Variants in ZNF365 observed in about 807,000 individuals in gnomAD.
The protein encoded by ZNF365 is zinc finger protein 365.
ZNF365 carries 22 observed loss-of-function variants against 35.0 expected under a neutral mutation model. That is an observed-to-expected ratio of 0.63 (90% confidence interval 0.45 to 0.90). The LOEUF (loss-of-function observed/expected upper bound fraction) is 0.90, where lower values mean the gene tolerates loss of function less well. ZNF365 is among the 40% of genes least tolerant of loss of function. The pLI, the probability that ZNF365 is intolerant of heterozygous loss-of-function variation, is 0.00. For synonymous variants in ZNF365, 188 were observed against 196.2 expected (o/e 0.96, Z 0.35); for missense variants, 448 against 500.3 (o/e 0.90, Z 1.00).
intron 3 of ZNF365, among the ~76,000 whole-genome samples, chr10:62,457,615 A>G (rs901000853): frequency 6.6e-6 from 1 of 152,208 alleles, no homozygotes; most frequent in Non-Finnish European, 1.5e-5. Flanking sequence ...TTATTTCTTG[A>G]GTCTTTGGTG....
intron 3 of ZNF365, among the ~76,000 whole-genome samples, chr10:62,415,691 T>C (rs1234121698): frequency 6.6e-6 from 1 of 152,176 alleles, no homozygotes; most frequent in African/African-American, 2.4e-5. Context: ...CCTCACATCT[T>C]CTGAAATTGG....
chr10:62,396,933 C>G (rs916799038), intron 3 of ZNF365, among the ~76,000 whole-genome samples: 3 of 151,936 alleles, frequency 2.0e-5, no homozygotes, highest in African/African-American at 7.3e-5. Flanking sequence ...GAAGAAAATC[C>G]TTGTTTATTT....
intron 3 of ZNF365, among the ~76,000 whole-genome samples, chr10:62,430,774 C>T (rs751893018): frequency 2.0e-4 from 30 of 152,154 alleles, no homozygotes; most frequent in Non-Finnish European, 4.1e-4. Context: ...CTTAGCTAAC[C>T]TGGATAGCTT....
chr10:62,438,335 C>T (rs1423644714), intron 3 of ZNF365, among the ~76,000 whole-genome samples: 1 of 151,830 alleles, frequency 6.6e-6, no homozygotes, highest in African/African-American at 2.4e-5. Flanking sequence ...ATTACAGGCG[C>T]AGCAACCATG....
chr10:62,380,724 A>G (rs544961741), intron 2 of ZNF365, among the ~76,000 whole-genome samples: 1 of 152,290 alleles, frequency 6.6e-6, no homozygotes, highest in South Asian at 2.1e-4. Context: ...TGAAACAGGT[A>G]TTTACTTATT....
downstream of ZNF365, among the ~76,000 whole-genome samples, chr10:62,405,175 A>T (rs1175468963): frequency 2.0e-5 from 3 of 152,214 alleles, no homozygotes; most frequent in African/African-American, 7.2e-5. Flanking sequence ...TCTGGTGTTC[A>T]GTTAAATCAA....
At chr10:62,395,544 C>T (rs995131300) in intron 3 of ZNF365, among the ~76,000 whole-genome samples, 2 of 130,092 alleles carry the variant, frequency 1.5e-5, no homozygotes, top group African/African-American at 2.9e-5. Context: ...TTAGTAGAGA[C>T]GGGGGTTTCA....
rs550952617 is a variant in ZNF365, at chr10:62,472,359, T to C, written c.982-7517T>C. 3.3e-5 allele frequency among the ~76,000 whole-genome samples: 5 copies of C among 152,352 alleles called. No homozygotes were observed. The East Asian group carries it at 9.6e-4, about 29-fold the overall frequency. ...AATTGTGACCCACTCCCAATTCCTA[T>C]GTCAAGGTCCTAAACCTGAGTATGC... On this transcript the variant is annotated intron_variant, in intron 4 of 4. Transcript: ENST00000395255.
intron 3 of ZNF365, among the ~76,000 whole-genome samples, chr10:62,391,566 G>A (rs930113378): frequency 6.6e-6 from 1 of 152,236 alleles, no homozygotes; most frequent in East Asian, 1.9e-4. Context: ...TGCTGAGAAT[G>A]TCATTCTTTC....
intron 3 of ZNF365, among the ~76,000 whole-genome samples, chr10:62,396,406 T>C (rs150964603): frequency 7.7e-4 from 117 of 152,332 alleles, no homozygotes; most frequent in African/African-American, 2.7e-3. Flanking sequence ...ATCTCTAAAA[T>C]TGGAATGATG....
chr10:62,376,759 A>G lies in ZNF365; in HGVS notation c.566A>G (p.Gln189Arg). ...RIDKLTKELA[Q>R]KTAELLEVRA... ...GATAAACTCACCAAAGAGTTGGCCC[A>G]GAAAACTGCGGAACTGTTGGAAGTT... is the stretch of plus-strand genomic sequence containing the variant. Residue 189 changes from glutamine (Q) to arginine (R), a missense_variant, in exon 2 of 5, where the codon CAG becomes CGG. Physicochemically the swap from Gln to Arg is conservative, Grantham distance 43 (BLOSUM62 1). Around this residue, in one of 3 missense-constraint regions of ZNF365, gnomAD observed 362 missense variants for 375.7 expected, o/e 0.96. Transcript: ENST00000395254. 2.5e-6 allele frequency: 4 copies of G among 1,614,248 alleles called. No individual in the cohort carries two copies. Among genetic ancestry groups the G allele is most frequent in the Non-Finnish European group, 2.5e-6 (3 of 1,180,054 alleles).
At chr10:62,455,579 T>C (rs1840749136) in intron 3 of ZNF365, among the ~76,000 whole-genome samples, 1 of 151,684 alleles carries the variant, frequency 6.6e-6, no homozygotes, top group African/African-American at 2.4e-5. Context: ...AATTAAATAT[T>C]ATATTTATAT....
At chr10:62,440,777 A>C (rs1302263232) in intron 3 of ZNF365, among the ~76,000 whole-genome samples, 1 of 152,190 alleles carries the variant, frequency 6.6e-6, no homozygotes, top group Admixed American at 6.5e-5. Context: ...AAAATGTCTG[A>C]AAGTACACCC....
At chr10:62,466,656 C>G (rs1353211744) in intron 4 of ZNF365, among the ~76,000 whole-genome samples, 4 of 151,982 alleles carry the variant, frequency 2.6e-5, no homozygotes, top group African/African-American at 9.7e-5. Flanking sequence ...GCTTCTTTGT[C>G]TATAGCTCTA....
chr10:62,453,893 C>T (rs1302609917), intron 3 of ZNF365, among the ~76,000 whole-genome samples: 2 of 152,126 alleles, frequency 1.3e-5, no homozygotes, highest in Admixed American at 6.5e-5. Context: ...CCATAGAACA[C>T]CATTGTAGCC....
Position 62,399,729 on chromosome 10 carries a change from AG to A in ZNF365, c.1166del (p.Gly389AlafsTer16). ...KGELLGFGRK[G>X]NIRPKMAKKK... ...GGGAGCTCCTGGGGTTTGGCCGCAA[AG>A]GCAACATCAGGCCCAAAATGGCTAA... On this transcript the variant is annotated frameshift_variant, in exon 5 of 5. Coordinates refer to ENST00000395254, the MANE Select transcript of ZNF365 (RefSeq NM_014951.3). LOFTEE classifies it high-confidence loss of function. 1 of 1,614,100 alleles carries A rather than the reference AG, an allele frequency of 6.2e-7. No individual in the cohort carries two copies. The highest frequency in any genetic ancestry group is 1.1e-5 in the South Asian group (1 of 91,074).
At chr10:62,460,420 A>G (rs1325221647) in intron 4 of ZNF365, among the ~76,000 whole-genome samples, 2 of 152,228 alleles carry the variant, frequency 1.3e-5, no homozygotes, top group Non-Finnish European at 2.9e-5. Flanking sequence ...AATTAGGCAC[A>G]GGAAGAGATG....
Position 62,400,501 on chromosome 10 carries a change from C to G in ZNF365, c.*712C>G. On this transcript the variant is annotated 3_prime_UTR_variant, in exon 5 of 5. Transcript: ENST00000395254. ...TCTTTGGCTGAGTATTCTGCACCCA[C>G]AGACCATGCTGCCAGCCTCTATCTT... is the stretch of plus-strand genomic sequence containing the variant. The G allele has an allele frequency of 1.0e-6, 1 of 985,990 alleles. No homozygotes were observed. Among genetic ancestry groups the G allele is most frequent in the East Asian group, 1.1e-4 (1 of 8,950 alleles). 61.1% of individuals were successfully genotyped at this position (985,990 alleles called of 1,614,324 possible). A position where few individuals can be genotyped will look rare whatever the true frequency, so the allele number is the denominator to read the frequency against.
intron 4 of ZNF365, among the ~76,000 whole-genome samples, chr10:62,469,320 T>A (rs757573129): frequency 1.3e-5 from 2 of 152,190 alleles, no homozygotes; most frequent in Non-Finnish European, 2.9e-5. Flanking sequence ...TGATGAGAAA[T>A]CACAACATAT....
Sources: allele counts gnomAD v4.1 joint callset (sites outside exome capture counted in the v4.1 genomes callset), GRCh38; gene constraint gnomAD v4.1.1; regional missense constraint gnomAD v4.1.1; transcripts MANE v1.5; gene names NCBI Gene and HGNC (gene_info 2026-07-23, HGNC 2026-07-21).